The following IL2RB variants were observed in gnomAD, a reference collection of about 807,000 sequenced individuals.
The protein encoded by IL2RB is interleukin 2 receptor subunit beta.
A neutral mutation model predicts 44.2 loss-of-function variants in IL2RB; 17 were observed. The ratio of observed to expected loss-of-function variants is 0.38; its 90% CI spans 0.26 to 0.58. IL2RB has a LOEUF of 0.58. IL2RB is among the 20% of genes least tolerant of loss of function. The pLI, the probability that IL2RB is intolerant of heterozygous loss-of-function variation, is 0.63. For missense variants in IL2RB, 624 were observed against 685.5 expected (o/e 0.91, Z 1.00); for synonymous variants, 286 against 297.9 (o/e 0.96, Z 0.41).
upstream of IL2RB, chr22:37,150,129 CAG>C (rs1555898301): frequency 2.0e-5 from 3 of 152,218 alleles, no homozygotes; most frequent in Middle Eastern, 3.4e-3. Context: ...CACACACACA[CAG>C]ACACACATTG....
intron 6 of IL2RB, 150 bp from the exon 7 acceptor site, chr22:37,136,543 C>G: frequency 3.7e-6 from 3 of 809,946 alleles, no homozygotes; most frequent in Non-Finnish European, 3.8e-6. Context: ...TTGCTGGGGC[C>G]TCAAACCCCA....
intron 1 of IL2RB, among the ~76,000 whole-genome samples, chr22:37,157,867 A>G (rs1922733294): frequency 6.6e-6 from 1 of 152,232 alleles, no homozygotes; most frequent in Non-Finnish European, 1.5e-5. Flanking sequence ...GAAGGAAGGA[A>G]AAAAGGAAAA....
At chr22:37,158,321 G>A (rs1017029633) in intron 1 of IL2RB, among the ~76,000 whole-genome samples, 8 of 152,022 alleles carry the variant, frequency 5.3e-5, no homozygotes, top group East Asian at 1.9e-4. Flanking sequence ...AGGCTGAGGC[G>A]GGCGGATCAC....
At chr22:37,135,552 C>T (rs951752296) in intron 7 of IL2RB, 110 bp from the exon 8 acceptor site, 12 of 667,786 alleles carry the variant, frequency 1.8e-5, no homozygotes, top group Middle Eastern at 7.3e-4. Flanking sequence ...CGCAGGCCTG[C>T]GTCTGGGGGG....
upstream of IL2RB, among the ~76,000 whole-genome samples, chr22:37,150,795 T>C (rs1922457626): frequency 1.3e-5 from 2 of 152,164 alleles, no homozygotes. Context: ...TTTTAATTTT[T>C]AGCTCCCACA....
At position 37,137,604 on chromosome 22, in the gene IL2RB, G is replaced by C. The variant is rs781429683; in HGVS notation, c.520C>G (p.Pro174Ala). ...HLEFEARTLS[P>A]GHTWEEAPLL... ...ATTCTCACCTCCCAGGTGTGGCCTG[G>C]GGACAGCGTCCGGGCCTCGAACTCC... is the stretch of plus-strand genomic sequence containing the variant. The change falls in exon 6 of 10, where the codon CCA becomes GCA. Residue 174 changes from proline to alanine, a missense_variant. This residue lies in a region of IL2RB where 255 missense variants were observed against 339.9 expected (regional missense o/e 0.75). Coordinates refer to ENST00000216223, the MANE Select transcript of IL2RB (RefSeq NM_000878.5). The C allele has an allele frequency of 3.0e-5, 48 of 1,614,074 alleles. No individual in the cohort carries two copies. The highest frequency in any genetic ancestry group is 3.8e-5 in the Non-Finnish European group (45 of 1,180,022).
chr22:37,145,451 C>T (rs183019988), intron 1 of IL2RB, among the ~76,000 whole-genome samples: 14 of 151,938 alleles, frequency 9.2e-5, no homozygotes, highest in Middle Eastern at 3.4e-3. Context: ...GAGACAAAGA[C>T]TTGCTTCTCA....
chr22:37,136,643 C>T (rs1921718318), intron 6 of IL2RB, among the ~76,000 whole-genome samples: 1 of 151,904 alleles, frequency 6.6e-6, no homozygotes, highest in South Asian at 2.1e-4. Flanking sequence ...CCAGAACCAT[C>T]CCCCTCTCTC....
chr22:37,136,923 G>A (rs9622550), intron 6 of IL2RB, among the ~76,000 whole-genome samples: 1 of 152,198 alleles, frequency 6.6e-6, no homozygotes, highest in South Asian at 2.1e-4. Context: ...GGACACCCAG[G>A]TGTCCAAGGG....
intron 5 of IL2RB, 141 bp from the exon 6 acceptor site, chr22:37,137,876 C>T: frequency 1.5e-6 from 1 of 672,420 alleles, no homozygotes; most frequent in South Asian, 1.8e-5. Flanking sequence ...TCCCTCACTG[C>T]CTCCAGGCCT....
intron 4 of IL2RB, among the ~76,000 whole-genome samples, chr22:37,140,572 A>G (rs965721839): frequency 1.3e-5 from 2 of 152,034 alleles, no homozygotes; most frequent in African/African-American, 4.8e-5. Flanking sequence ...CCACCTACAG[A>G]GCTCCCTGCA....
chr22:37,132,450 C>T lies in IL2RB; in HGVS notation c.837G>A (p.Lys279=). The part of the protein sequence containing the change: ...NTGPWLKKVL[K]CNTPDPSKFF... ...ACTTCGAGGGGTCTGGGGTGTTACA[C>T]TTCAGGACCTTCTTCAGCCTGGACA... The change falls in exon 9 of 10, where the codon AAG becomes AAA. Residue 279 remains lysine, a synonymous_variant. Transcript: ENST00000216223. The T allele has an allele frequency of 6.2e-7, 1 of 1,614,042 alleles. No homozygotes were observed. The highest frequency in any genetic ancestry group is 1.1e-5 in the South Asian group (1 of 91,064).
intron 5 of IL2RB, 110 bp downstream of exon 5, chr22:37,139,007 G>C: frequency 4.2e-6 from 3 of 707,106 alleles, no homozygotes; most frequent in Non-Finnish European, 2.5e-6. Context: ...GATCAGATGT[G>C]GGTGTGGAAG....
intron 1 of IL2RB, among the ~76,000 whole-genome samples, chr22:37,160,679 CAAAAAAAAAA>C (rs10605445): frequency 7.4e-6 from 1 of 136,006 alleles, no homozygotes; most frequent in African/African-American, 2.9e-5. Flanking sequence ...CTGTCTATGC[CAAAAAAAAAA>C]AAAAAAAAAT....
At chr22:37,129,570 C>A (rs1439315037) in intron 9 of IL2RB, among the ~76,000 whole-genome samples, 1 of 151,996 alleles carries the variant, frequency 6.6e-6, no homozygotes, top group African/African-American at 2.4e-5. Context: ...CGGGTTCTAG[C>A]CCTGGCCCTG....
chr22:37,151,768 C>T (rs1922497448), upstream of IL2RB, among the ~76,000 whole-genome samples: 2 of 152,164 alleles, frequency 1.3e-5, no homozygotes, highest in African/African-American at 2.4e-5. Flanking sequence ...TAGTTTCATT[C>T]TTCTGCATAT....
chr22:37,157,191 G>A (rs1922709950), intron 1 of IL2RB, among the ~76,000 whole-genome samples: 1 of 152,216 alleles, frequency 6.6e-6, no homozygotes, highest in Non-Finnish European at 1.5e-5. Context: ...GAAAGAGCAG[G>A]CTAGCGGCCG....
intron 1 of IL2RB, among the ~76,000 whole-genome samples, chr22:37,157,175 C>T (rs923674452): frequency 3.3e-5 from 5 of 152,212 alleles, no homozygotes; most frequent in African/African-American, 1.2e-4. Flanking sequence ...CAGAGCAGAA[C>T]AAGGAGAAAG....
At chr22:37,142,297 G>A (rs1057002362) in intron 4 of IL2RB, 137 bp downstream of exon 4, 80 of 787,448 alleles carry the variant, frequency 1.0e-4, no homozygotes, top group Non-Finnish European at 1.2e-4. Context: ...CTTGCTCAGC[G>A]CTGGGCATCC....
Sources: allele counts gnomAD v4.1 joint callset (sites outside exome capture counted in the v4.1 genomes callset), GRCh38; gene constraint gnomAD v4.1.1; regional missense constraint gnomAD v4.1.1; transcripts MANE v1.5; gene names NCBI Gene and HGNC (gene_info 2026-07-23, HGNC 2026-07-21).